Variants in NUP133 observed in about 807,000 individuals in gnomAD.
The protein encoded by NUP133 is nuclear pore complex protein Nup133.
NUP133 carries 66 observed loss-of-function variants against 146.2 expected under a neutral mutation model. The ratio of observed to expected loss-of-function variants is 0.45; its 90% confidence interval spans 0.37 to 0.55. The LOEUF (loss-of-function observed/expected upper bound fraction) is 0.55, where lower values mean the gene tolerates loss of function less well. NUP133 is among the 20% of genes least tolerant of loss of function. The pLI, the probability that NUP133 is intolerant of heterozygous loss-of-function variation, is 0.00. For synonymous variants in NUP133, 521 were observed against 498.8 expected, an observed-to-expected ratio of 1.04 and a Z score of -0.59; for missense variants, 1,277 against 1,374.8, an observed-to-expected ratio of 0.93 and a Z score of 1.12.
Position 229,470,839 on chromosome 1 carries a change from A to C in NUP133, c.1852-35T>G, listed in dbSNP as rs138453749. 200 of 1,586,120 alleles carry C rather than the reference A, an allele frequency of 1.3e-4. 1 individual carries two copies. In the East Asian group the frequency reaches 4.4e-3, roughly 35 times the overall value. ...AGGCAAACACATATTCTCAGAAAGC[A>C]ATTATGGTAACATGCAAAATACCAT... On this transcript the variant is annotated intron_variant, in intron 14 of 25. Transcript: ENST00000261396.
At chr1:229,456,932 A>G (rs1660582493) in intron 21 of NUP133, among the ~76,000 whole-genome samples, 1 of 151,000 alleles carries the variant, frequency 6.6e-6, no homozygotes, top group Non-Finnish European at 1.5e-5. Context: ...GGCTCAAGTG[A>G]TCCTCTCACC....
chr1:229,467,902 C>T lies in NUP133; in HGVS notation c.2077-1146G>A, dbSNP rs1571917438. Among the ~76,000 whole-genome samples the T allele has an allele frequency of 3.6e-5, 5 of 140,762 alleles. No homozygotes were observed. In the East Asian group the frequency reaches 8.1e-4, roughly 23 times the overall value. 92.3% of individuals were successfully genotyped at this position (140,762 alleles called of 152,430 possible). A position where few individuals can be genotyped will look rare whatever the true frequency, so the allele number is the denominator to read the frequency against. On this transcript the variant is annotated intron_variant, in intron 15 of 25. Transcript: ENST00000261396. The stretch of plus-strand genomic sequence containing the variant: ...ATTGTGTCACTGCACTCCAGCCTGG[C>T]GACAGAGCAAGACTCAGTCTCAAAA...
Position 229,490,108 on chromosome 1 carries a change from C to T in NUP133, c.1047-6G>A. The T allele has an allele frequency of 6.5e-7, 1 of 1,534,036 alleles. No homozygotes were observed. Among genetic ancestry groups the T allele is most frequent in the Non-Finnish European group, 8.8e-7 (1 of 1,136,970 alleles). On this transcript the variant is annotated splice_region_variant and splice_polypyrimidine_tract_variant and intron_variant, in intron 8 of 25. Transcript: ENST00000261396. ...CCAAAATCACCAGCCCATCACTAAT[C>T]AATAAAAAAGGAAGATGTAAAGCCT... is the stretch of plus-strand genomic sequence containing the variant.
Position 229,466,626 on chromosome 1 carries a change from T to C in NUP133, c.2199+8A>G. Reference sequence around the variant, plus strand: ...TGATTTGCTGAAGCCTTTACTATATTTTTGTACCTTGAGAATATTGTTCAC... The same window carrying C: ...TGATTTGCTGAAGCCTTTACTATATCTTTGTACCTTGAGAATATTGTTCAC... On this transcript the variant is annotated splice_region_variant and intron_variant, in intron 16 of 25. Coordinates refer to ENST00000261396, the MANE Select transcript of NUP133 (RefSeq NM_018230.3). The C allele has an allele frequency of 1.2e-6, 2 of 1,613,948 alleles. No individual in the cohort carries two copies. Among genetic ancestry groups the C allele is most frequent in the South Asian group, 1.1e-5 (1 of 91,070 alleles).
intron 1 of NUP133, among the ~76,000 whole-genome samples, chr1:229,506,715 T>C (rs1424769421): frequency 4.7e-5 from 7 of 150,338 alleles, no homozygotes; most frequent in Non-Finnish European, 8.9e-5. Flanking sequence ...AAGACCAGCC[T>C]GGGGAACGTG....
chr1:229,486,708 T>C (rs755782615), intron 10 of NUP133, among the ~76,000 whole-genome samples, 180 bp from the exon 11 acceptor site: 49 of 152,172 alleles, frequency 3.2e-4, no homozygotes, highest in African/African-American at 1.1e-3. Context: ...TAAGAACCGG[T>C]TGCTATCTGA....
chr1:229,481,701 A>T (rs1197261874), intron 12 of NUP133, among the ~76,000 whole-genome samples: 2 of 143,448 alleles, frequency 1.4e-5, no homozygotes, highest in East Asian at 3.9e-4. Flanking sequence ...TCTGTCTCAA[A>T]AAAAAAAAAA....
chr1:229,469,127 T>G (rs1485399529), intron 15 of NUP133, among the ~76,000 whole-genome samples: 6 of 152,234 alleles, frequency 3.9e-5, no homozygotes, highest in Non-Finnish European at 2.9e-5. Context: ...AAATAGAGTT[T>G]GAAGTTCCTC....
At chr1:229,507,242 G>A (rs1317168218) in intron 1 of NUP133, among the ~76,000 whole-genome samples, 1 of 152,118 alleles carries the variant, frequency 6.6e-6, no homozygotes, top group East Asian at 1.9e-4. Flanking sequence ...CAAAGATACA[G>A]TGTATTCTTT....
chr1:229,492,687 T>C (rs1233414905), intron 8 of NUP133, among the ~76,000 whole-genome samples: 1 of 151,922 alleles, frequency 6.6e-6, no homozygotes, highest in Non-Finnish European at 1.5e-5. Context: ...TATCATATGT[T>C]CTCACCTATA....
intron 24 of NUP133, chr1:229,448,723 C>T (rs1660369980): frequency 5.0e-6 from 1 of 200,142 alleles, no homozygotes; most frequent in Admixed American, 5.3e-5. Context: ...CGGGACCGCT[C>T]TCTGGTAACA....
rs1443442907 is a variant in NUP133 at position 229,508,221 on chromosome 1, G to A, written c.29C>T (p.Thr10Ile). 1.3e-6 allele frequency: 2 copies of A among 1,547,032 alleles called. No homozygotes were observed. The highest frequency in any genetic ancestry group is 1.7e-6 in the Non-Finnish European group (2 of 1,149,530). MFPAAPSPR[T>I]PGTGSRRGPL... ...GCCCCTTCGGGACCCGGTACCCGGG[G>A]TCCGCGGAGAAGGGGCGGCTGGGAA... The change falls in exon 1 of 26, where the codon ACC becomes ATC. Residue 10 changes from threonine (T) to isoleucine (I), a missense_variant. By Grantham distance (89) the Thr-to-Ile change is moderately conservative (BLOSUM62 -1). This residue lies in a region of NUP133 where 319 missense variants were observed against 306.9 expected (regional missense o/e 1.04). Transcript: ENST00000261396.
chr1:229,499,508 T>A (rs1348025626), intron 5 of NUP133, among the ~76,000 whole-genome samples, 176 bp downstream of exon 5: 1 of 152,180 alleles, frequency 6.6e-6, no homozygotes, highest in Non-Finnish European at 1.5e-5. Context: ...TGGCTCATGC[T>A]TGTAATCCCA....
Position 229,466,678 on chromosome 1 carries a change from T to G in NUP133, c.2155A>C (p.Ile719Leu), listed in dbSNP as rs1660834784. The G allele has an allele frequency of 6.2e-7, 1 of 1,613,992 alleles. No individual in the cohort carries two copies. Among genetic ancestry groups the G allele is most frequent in the African/African-American group, 1.3e-5 (1 of 74,934 alleles). ...TTGATCACCACTTCAGCCCATTCAA[T>G]GGAATCCATAGGTGCATCCCTCAAG... is the stretch of plus-strand genomic sequence containing the variant. ...QVLRDAPMDSIEWAEVVINVN... is the reference protein window; with the variant it reads ...QVLRDAPMDSLEWAEVVINVN... The change falls in exon 16 of 26, where the codon ATT (isoleucine) becomes CTT (leucine). Residue 719 changes from isoleucine (I) to leucine (L), a missense_variant. Around this residue, in one of 3 missense-constraint regions of NUP133, gnomAD observed 952 missense variants for 1,047.0 expected, o/e 0.91. Transcript: ENST00000261396.
chr1:229,443,426 C>T (rs1017939812), intron 25 of NUP133, among the ~76,000 whole-genome samples: 1 of 152,140 alleles, frequency 6.6e-6, no homozygotes, highest in Non-Finnish European at 1.5e-5. Flanking sequence ...ATGAGACATG[C>T]ATTTTGTTCT....
chr1:229,472,655 C>A (rs1660984002), intron 14 of NUP133, among the ~76,000 whole-genome samples: 1 of 147,690 alleles, frequency 6.8e-6, no homozygotes, highest in Admixed American at 6.8e-5. Context: ...TGCACTCCAG[C>A]CTGGGTGACA....
chr1:229,457,636 T>G (rs995282418), intron 21 of NUP133, among the ~76,000 whole-genome samples: 1 of 152,246 alleles, frequency 6.6e-6, no homozygotes, highest in African/African-American at 2.4e-5. Context: ...ATTTTTTTGT[T>G]AATTCTCTTG....
rs369216664 is a variant in NUP133 at position 229,470,757 on chromosome 1, C to T, written c.1899G>A (p.Pro633=). The T allele has an allele frequency of 3.0e-4, 488 of 1,614,028 alleles. No homozygotes were observed. Among genetic ancestry groups the T allele is most frequent in the Non-Finnish European group, 4.0e-4 (468 of 1,180,048 alleles). The change falls in exon 15 of 26, where the codon CCG becomes CCA. Residue 633 remains proline (P), a synonymous_variant. Transcript: ENST00000261396. ...CACAGAGCAACAGTCGAGTGGCCAT[C>T]GGTGTCCCTCTAACTGGAAAACTGC... ...RLGSFPVRGT[P]MATRLLLCEH... is the part of the protein sequence containing the mutation.
chr1:229,490,329 C>T (rs1661474175), intron 8 of NUP133, among the ~76,000 whole-genome samples: 1 of 151,420 alleles, frequency 6.6e-6, no homozygotes, highest in East Asian at 1.9e-4. Context: ...CTGAAAACAA[C>T]CCAATGTCTT....
Sources: gnomAD v4.1 joint callset for allele counts (sites outside exome capture counted in the v4.1 genomes callset) on GRCh38, gnomAD v4.1.1 for gene constraint, gnomAD v4.1.1 regional missense constraint, MANE v1.5 for transcripts, NCBI Gene and HGNC (gene_info 2026-07-23, HGNC 2026-07-21) for gene names.